Variants in SRPK1 observed in about 807,000 individuals in gnomAD.
The protein encoded by SRPK1 is SRSF protein kinase 1, also known as SFRS protein kinase 1.
In SRPK1, 52 loss-of-function variants were observed where a neutral mutation model predicts 89.5. The observed-to-expected ratio is 0.58, with a 90% CI of 0.46 to 0.73. SRPK1 has a LOEUF of 0.73. SRPK1 is among the 30% of genes least tolerant of loss of function. The probability of loss-of-function intolerance (pLI) is 0.00; values close to 1 mark genes in which losing one functional copy is unlikely to be tolerated. For synonymous variants in SRPK1, 255 were observed against 270.2 expected (o/e 0.94, Z 0.55); for missense variants, 603 against 780.6 (o/e 0.77, Z 2.71).
intron 13 of SRPK1, among the ~76,000 whole-genome samples, chr6:35,844,674 GA>G (rs1340999458): frequency 1.3e-5 from 2 of 152,106 alleles, no homozygotes; most frequent in Non-Finnish European, 2.9e-5. Flanking sequence ...TGTTTATTAA[GA>G]AACTGAACCA....
intron 2 of SRPK1, among the ~76,000 whole-genome samples, chr6:35,892,913 C>T (rs558722667): frequency 2.1e-4 from 32 of 152,054 alleles, no homozygotes; most frequent in Non-Finnish European, 4.4e-4. Flanking sequence ...ATAAGAAATA[C>T]CTTGATGCAA....
rs780594079 is a variant in SRPK1 at position 35,869,576 on chromosome 6, T to C, written c.1317A>G (p.Glu439=). The change falls in exon 11 of 16, where the codon GAA becomes GAG. Residue 439 remains glutamate, a synonymous_variant. Transcript: ENST00000373825. The stretch of plus-strand genomic sequence containing the variant: ...TTTCTTGAAGTTGGCTAATGTGTTG[T>C]TCACTGAATGACTGACCTACAGTTG... The part of the protein sequence containing the change: ...SSSTVGQSFS[E]QHISQLQESI... The C allele has an allele frequency of 6.2e-7, 1 of 1,614,012 alleles. No individual in the cohort carries two copies. The highest frequency in any genetic ancestry group is 1.7e-5 in the Admixed American group (1 of 60,022).
chr6:35,888,130 CA>C lies in SRPK1; in HGVS notation c.303-20del, dbSNP rs764283741. The C allele has an allele frequency of 9.0e-6, 14 of 1,560,518 alleles. No individual in the cohort carries two copies. Among genetic ancestry groups the C allele is most frequent in the Middle Eastern group, 1.7e-4 (1 of 5,974 alleles). ...CTTCCCCCTAAGAAACAAACACAGG[CA>C]ATTAAGACTACATAGCCTACCCTTA... On this transcript the variant is annotated intron_variant, in intron 4 of 15. Transcript: ENST00000373825.
chr6:35,855,978 T>C lies in SRPK1; in HGVS notation c.1620+1283A>G, dbSNP rs796903816. On this transcript the variant is annotated intron_variant, in intron 13 of 15. Coordinates refer to ENST00000373825, the MANE Select transcript of SRPK1 (RefSeq NM_003137.5). Reference sequence around the variant, plus strand: ...CTGACCTCAAGTGATCCACTTGCCTTGGCCTCCCAAAGTGCTGGGATTACA... The same window carrying C: ...CTGACCTCAAGTGATCCACTTGCCTCGGCCTCCCAAAGTGCTGGGATTACA... 1.1e-4 allele frequency among the ~76,000 whole-genome samples: 16 copies of C among 144,334 alleles called. 1 individual carries two copies. Among genetic ancestry groups the C allele is most frequent in the African/African-American group, 3.7e-4 (15 of 40,530 alleles). The allele number at this position is 144,334 out of a possible 152,430, so 94.7% of individuals were successfully genotyped here. A position where few individuals can be genotyped will look rare whatever the true frequency, so the allele number is the denominator to read the frequency against.
rs1770504017 is a variant in SRPK1, at chr6:35,890,878, C to T, written c.193+17G>A. On this transcript the variant is annotated intron_variant, in intron 3 of 15. Transcript: ENST00000373825. ...TAGATGGCTCATGTCTCACTTCATA[C>T]CTCTTTATGAACTTACCTTTACAAT... The T allele has an allele frequency of 1.3e-6, 2 of 1,540,208 alleles. No individual in the cohort carries two copies. Among genetic ancestry groups the T allele is most frequent in the African/African-American group, 1.4e-5 (1 of 72,360 alleles).
intron 2 of SRPK1, among the ~76,000 whole-genome samples, chr6:35,905,522 A>T (rs950702565): frequency 6.6e-6 from 1 of 152,258 alleles, no homozygotes; most frequent in African/African-American, 2.4e-5. Flanking sequence ...ATGTAAAATG[A>T]AAGCAAAATG....
intron 6 of SRPK1, among the ~76,000 whole-genome samples, chr6:35,885,809 C>T (rs922592691): frequency 6.6e-6 from 1 of 152,152 alleles, no homozygotes; most frequent in Non-Finnish European, 1.5e-5. Context: ...GCTCACCGCA[C>T]GTCACTTTGA....
chr6:35,883,303 C>G (rs1351243736), intron 6 of SRPK1, among the ~76,000 whole-genome samples: 2 of 152,048 alleles, frequency 1.3e-5, no homozygotes. Context: ...GAAGGAGAAT[C>G]GCTTGAACCT....
chr6:35,870,435 T>G lies in SRPK1; in HGVS notation c.837A>C (p.Ala279=). The G allele has an allele frequency of 6.4e-7, 1 of 1,561,638 alleles. No individual in the cohort carries two copies. The highest frequency in any genetic ancestry group is 1.2e-5 in the South Asian group (1 of 85,226). Residue 279 remains alanine (A), a synonymous_variant, in exon 10 of 16, where the codon GCA becomes GCC. Coordinates refer to ENST00000373825, the MANE Select transcript of SRPK1 (RefSeq NM_003137.5). The part of the protein sequence containing the change: ...KKLKKKQKRQ[A]ELLEKRMQEI... ...CCTGCATTCGCTTCTCTAGTAATTC[T>G]GCCTGGCGCTTCTGCTTCTTCTTCA...
chr6:35,835,574 T>C (rs1769161980), intron 15 of SRPK1, 86 bp from the exon 16 acceptor site: 2 of 1,284,110 alleles, frequency 1.6e-6, no homozygotes, highest in Non-Finnish European at 1.1e-6. Context: ...AACTAACCCA[T>C]GTAGTCTATG....
chr6:35,879,764 TAA>T (rs1770233695), intron 6 of SRPK1, among the ~76,000 whole-genome samples: 1 of 152,080 alleles, frequency 6.6e-6, no homozygotes, highest in Non-Finnish European at 1.5e-5. Flanking sequence ...AAAAAGACTT[TAA>T]AACAAATGTC....
At chr6:35,888,461 G>T (rs1435888483) in intron 4 of SRPK1, among the ~76,000 whole-genome samples, 1 of 152,108 alleles carries the variant, frequency 6.6e-6, no homozygotes, top group African/African-American at 2.4e-5. Context: ...GTATATATCT[G>T]TATATAGGCA....
intron 6 of SRPK1, among the ~76,000 whole-genome samples, chr6:35,882,122 T>C (rs1377038113): frequency 2.7e-4 from 3 of 11,144 alleles, no homozygotes; most frequent in South Asian, 3.4e-3. Context: ...GTAGTACTAG[T>C]AGTAGTAGTA....
chr6:35,888,023 C>T lies in SRPK1; in HGVS notation c.390+1G>A. 1 of 1,596,846 alleles carries T rather than the reference C, an allele frequency of 6.3e-7. No individual in the cohort carries two copies. Among genetic ancestry groups the T allele is most frequent in the Non-Finnish European group, 8.5e-7 (1 of 1,173,720 alleles). Reference sequence around the variant, plus strand: ...ATTCATACATATAATCTAATACTCACTGACTTCAGCAACCGGATTTCATCT... The same window carrying T: ...ATTCATACATATAATCTAATACTCATTGACTTCAGCAACCGGATTTCATCT... On this transcript the variant is annotated splice_donor_variant, in intron 5 of 15. Transcript: ENST00000373825. LOFTEE classifies it high-confidence loss of function.
chr6:35,886,082 CTT>C lies in SRPK1; in HGVS notation c.478+640_478+641del, dbSNP rs34954400. ...TTTTTCTCTTTCTTTTAGACAGTAT[CTT>C]TTTTTTTTTTTTTTAGACAGAGTCT... is the stretch of plus-strand genomic sequence containing the variant. On this transcript the variant is annotated intron_variant, in intron 6 of 15. Transcript: ENST00000373825. Among the ~76,000 whole-genome samples the C allele has an allele frequency of 1.6e-3, 213 of 136,548 alleles. 1 individual carries two copies. Among genetic ancestry groups the C allele is most frequent in the Admixed American group, 1.8e-3 (24 of 13,594 alleles). The allele number at this position is 136,548 out of a possible 152,430, so 89.6% of individuals were successfully genotyped here.
intron 8 of SRPK1, 122 bp downstream of exon 8, chr6:35,872,441 T>C (rs1211435845): frequency 2.2e-6 from 2 of 910,134 alleles, no homozygotes; most frequent in African/African-American, 3.5e-5. Context: ...AAGCTGATAA[T>C]GTTTCTTAAA....
At chr6:35,838,731 A>C (rs533702021) in intron 14 of SRPK1, 3 of 1,421,682 alleles carry the variant, frequency 2.1e-6, no homozygotes, top group Admixed American at 1.8e-5. Context: ...AGTCTTGTGA[A>C]TATTTCCCAC....
intron 2 of SRPK1, among the ~76,000 whole-genome samples, chr6:35,908,763 T>A (rs1770900698): frequency 6.6e-6 from 1 of 151,918 alleles, no homozygotes; most frequent in Admixed American, 6.6e-5. Context: ...ATGTCAGAGA[T>A]CTTGGCGACA....
chr6:35,887,246 T>C (rs1469480712), intron 5 of SRPK1, among the ~76,000 whole-genome samples: 1 of 152,316 alleles, frequency 6.6e-6, no homozygotes, highest in African/African-American at 2.4e-5. Context: ...GCTCCTTATC[T>C]TGTCACAAAC....
Sources: allele counts gnomAD v4.1 joint callset (sites outside exome capture counted in the v4.1 genomes callset), GRCh38; gene constraint gnomAD v4.1.1; transcripts MANE v1.5; gene names NCBI Gene and HGNC (gene_info 2026-07-23, HGNC 2026-07-21).